The following LYAR variants were observed in gnomAD, a reference collection of about 807,000 sequenced individuals.
LYAR encodes the protein cell growth-regulating nucleolar protein.
A neutral mutation model predicts 45.2 loss-of-function variants in LYAR; 37 were observed. That is an observed-to-expected ratio of 0.82 (90% CI 0.63 to 1.08). The LOEUF (loss-of-function observed/expected upper bound fraction) is 1.08. LYAR is among the 50% of genes least tolerant of loss of function. The pLI is 0.00. For missense variants in LYAR, 493 were observed against 451.0 expected (o/e 1.09, Z -0.84); for synonymous variants, 176 against 155.1 (o/e 1.14, Z -1.00).
At position 4,274,604 on chromosome 4, in the gene LYAR, T is replaced by G. The variant is rs148334769; in HGVS notation, c.595A>C (p.Arg199=). ...RERKEERQKK[R]KREKKELKLE... ...TTTAGTTCTTTCTTTTCTCTTTTCC[T>G]TTTCTTCTGCCGTTCTTCCTTTCTT... The change falls in exon 7 of 10, where the codon AGG becomes CGG. Residue 199 remains arginine, a synonymous_variant. Transcript: ENST00000343470. 1.2e-5 allele frequency: 19 copies of G among 1,613,760 alleles called. No individual in the cohort carries two copies. Among genetic ancestry groups the G allele is most frequent in the Non-Finnish European group, 1.6e-5 (19 of 1,180,000 alleles).
Position 4,279,654 on chromosome 4 carries a change from C to G in LYAR, c.333G>C (p.Lys111Asn). 2 of 1,613,968 alleles carry G rather than the reference C, an allele frequency of 1.2e-6. No individual in the cohort carries two copies. Among genetic ancestry groups the G allele is most frequent in the Non-Finnish European group, 1.7e-6 (2 of 1,179,892 alleles). ...AGTCAATTCATACCTGAAATTTTGC[C>G]TTTTTCCTGGGAACGTTGTCAAAAG... Reference protein sequence around the residue: ...ISAFDNVPRKKAKFQNWMKNS... With the variant: ...ISAFDNVPRKNAKFQNWMKNS... The change falls in exon 5 of 10, where the codon AAG (lysine) becomes AAC (asparagine). Residue 111 changes from lysine (K) to asparagine (N), a missense_variant. Transcript: ENST00000343470.
chr4:4,283,367 T>C (rs1421822172), intron 3 of LYAR, among the ~76,000 whole-genome samples: 1 of 152,202 alleles, frequency 6.6e-6, no homozygotes, highest in African/African-American at 2.4e-5. Flanking sequence ...GCCAGGCTGG[T>C]CTTCAACTCC....
At position 4,267,989 on chromosome 4, in the gene LYAR, T is replaced by G; in HGVS notation, c.1040A>C (p.His347Pro). The G allele has an allele frequency of 1.2e-6, 2 of 1,612,492 alleles. No homozygotes were observed. The highest frequency in any genetic ancestry group is 2.2e-5 in the South Asian group (2 of 91,020). Reference protein sequence around the residue: ...LAQYYTVTDEHHRSEEELLVI... With the variant: ...LAQYYTVTDEPHRSEEELLVI... Reference sequence around the variant, plus strand: ...CAGGAGTTCCTCTTCGGATCTGTGATGCTCATCTGTCACTGTGTAGTACTG... The same window carrying G: ...CAGGAGTTCCTCTTCGGATCTGTGAGGCTCATCTGTCACTGTGTAGTACTG... Residue 347 changes from histidine (H) to proline (P), a missense_variant, in exon 10 of 10, where the codon CAT (histidine) becomes CCT (proline). His to Pro is a moderately conservative substitution (Grantham distance 77). Transcript: ENST00000343470.
chr4:4,288,348 C>G (rs1719696414), intron 1 of LYAR, among the ~76,000 whole-genome samples: 1 of 152,232 alleles, frequency 6.6e-6, no homozygotes, highest in Admixed American at 6.5e-5. Flanking sequence ...CTCCAACCTT[C>G]TCTGGCTCCT....
chr4:4,271,266 T>C (rs955740349), intron 8 of LYAR, among the ~76,000 whole-genome samples: 1 of 152,244 alleles, frequency 6.6e-6, no homozygotes, highest in Non-Finnish European at 1.5e-5. Context: ...AAACATGCTA[T>C]GCTTGTCTTC....
At chr4:4,269,805 A>G (rs930049421) in intron 8 of LYAR, among the ~76,000 whole-genome samples, 1 of 152,196 alleles carries the variant, frequency 6.6e-6, no homozygotes, top group African/African-American at 2.4e-5. Flanking sequence ...TAGACCTGAA[A>G]TTTGCTGTGA....
chr4:4,277,382 C>CT (rs1216982326), intron 6 of LYAR, among the ~76,000 whole-genome samples: 1 of 152,160 alleles, frequency 6.6e-6, no homozygotes, highest in Admixed American at 6.5e-5. Context: ...GCCTGAGACC[C>CT]TGGCATCCCT....
At position 4,268,532 on chromosome 4, in the gene LYAR, T is replaced by C. The variant is rs193125849; in HGVS notation, c.1003A>G (p.Lys335Glu). Residue 335 changes from lysine (K) to glutamate (E), a missense_variant and splice_region_variant, in exon 9 of 10, where the codon AAG becomes GAG. Physicochemically the swap from Lys to Glu is moderately conservative, Grantham distance 56. Coordinates refer to ENST00000343470, the MANE Select transcript of LYAR (RefSeq NM_017816.3). ...GTGGGTTTGTTCATATGCCATACCT[T>C]TTTCCTTAGCTTTTTGATGGTTATT... ...NEITIKKLRK[K>E]VLAQYYTVTD... 6.2e-7 allele frequency: 1 copy of C among 1,609,126 alleles called. No homozygotes were observed. Among genetic ancestry groups the C allele is most frequent in the East Asian group, 2.2e-5 (1 of 44,788 alleles).
intron 3 of LYAR, among the ~76,000 whole-genome samples, chr4:4,283,182 G>C (rs1719472007): frequency 6.6e-6 from 1 of 152,170 alleles, no homozygotes; most frequent in Non-Finnish European, 1.5e-5. Context: ...GGGTTAACTT[G>C]CTCTGTTGCC....
intron 6 of LYAR, among the ~76,000 whole-genome samples, chr4:4,275,438 T>TC: frequency 2.2e-5 from 1 of 45,992 alleles, no homozygotes; most frequent in East Asian, 1.1e-3. Flanking sequence ...TTCTCATCAT[T>TC]CTTTTTTTTT....
chr4:4,276,376 G>C (rs1041835850), intron 6 of LYAR, among the ~76,000 whole-genome samples: 4 of 152,138 alleles, frequency 2.6e-5, no homozygotes, highest in Admixed American at 2.0e-4. Context: ...CAAGGACTCA[G>C]GACTCAGACC....
At chr4:4,286,917 C>G (rs985718577) in intron 1 of LYAR, among the ~76,000 whole-genome samples, 9 of 152,128 alleles carry the variant, frequency 5.9e-5, no homozygotes, top group Middle Eastern at 6.8e-3. Context: ...TCCCAAAGTG[C>G]TGGGATTACA....
In LYAR at chr4:4,281,245, T is replaced by TC. The variant is rs1371548167; in HGVS notation, c.237+537dup. On this transcript the variant is annotated intron_variant, in intron 4 of 9. Coordinates refer to ENST00000343470, the MANE Select transcript of LYAR (RefSeq NM_017816.3). ...TAATGAGAATTCTAAAACTTTTTTT[T>TC]CAAGAAATTAACAAAACACATGGAT... Among the ~76,000 whole-genome samples, 151 of 152,208 alleles carry TC rather than the reference T, an allele frequency of 9.9e-4. 1 individual carries two copies. The highest frequency in any genetic ancestry group is 3.2e-3 in the African/African-American group (133 of 41,460).
Position 4,281,796 on chromosome 4 carries a change from T to C in LYAR, c.224A>G (p.Gln75Arg). The C allele has an allele frequency of 6.2e-7, 1 of 1,613,880 alleles. No individual in the cohort carries two copies. The highest frequency in any genetic ancestry group is 8.5e-7 in the Non-Finnish European group (1 of 1,179,724). ...GAGAGACGTTACCTGAATCCACGCCTGCTGTTTGATGTCGCCTTTGTGGGT... is the reference window on the plus strand; with the variant it reads ...GAGAGACGTTACCTGAATCCACGCCCGCTGTTTGATGTCGCCTTTGTGGGT... The part of the protein sequence containing the change: ...GKTHKGDIKQ[Q>R]AWIQKISELI... The change falls in exon 4 of 10, where the codon CAG becomes CGG. Residue 75 changes from glutamine (Q) to arginine (R), a missense_variant. By Grantham distance (43) the Gln-to-Arg change is conservative (BLOSUM62 1). Transcript: ENST00000343470.
chr4:4,274,596 TCTTTTC>T lies in LYAR; in HGVS notation c.597_602del (p.Lys200_Arg201del), dbSNP rs752208941. 9 of 1,613,740 alleles carry T rather than the reference TCTTTTC, an allele frequency of 5.6e-6. No homozygotes were observed. The highest frequency in any genetic ancestry group is 1.3e-5 in the African/African-American group (1 of 74,870). On this transcript the variant is annotated inframe_deletion, in exon 7 of 10. Transcript: ENST00000343470. The stretch of plus-strand genomic sequence containing the variant: ...TTTCTAACTTTAGTTCTTTCTTTTC[TCTTTTC>T]CTTTTCTTCTGCCGTTCTTCCTTTC...
chr4:4,270,268 TAAAA>T (rs11377872), intron 8 of LYAR, among the ~76,000 whole-genome samples: 1 of 121,978 alleles, frequency 8.2e-6, no homozygotes, highest in Non-Finnish European at 1.7e-5. Context: ...TGTTGATTTG[TAAAA>T]AAAAAAAAAA....
chr4:4,269,797 G>C (rs1215030748), intron 8 of LYAR, among the ~76,000 whole-genome samples: 1 of 152,166 alleles, frequency 6.6e-6, no homozygotes, highest in Non-Finnish European at 1.5e-5. Flanking sequence ...ATTTAACATA[G>C]ACCTGAAATT....
intron 6 of LYAR, among the ~76,000 whole-genome samples, chr4:4,275,745 G>C (rs572017129): frequency 1.3e-5 from 2 of 149,952 alleles, no homozygotes; most frequent in African/African-American, 4.9e-5. Flanking sequence ...ACCCAGGCTG[G>C]AGTGCAGTGG....
Position 4,273,583 on chromosome 4 carries a change from C to A in LYAR, c.919G>T (p.Gly307Cys). 1 of 1,611,152 alleles carries A rather than the reference C, an allele frequency of 6.2e-7. No homozygotes were observed. Among genetic ancestry groups the A allele is most frequent in the Non-Finnish European group, 8.5e-7 (1 of 1,177,632 alleles). ...EPEDDEAPAKGKFNWKGTIKA... is the reference protein window; with the variant it reads ...EPEDDEAPAKCKFNWKGTIKA... ...TCCTCAAATGACAGCAGTGATATAC[C>A]TTTTGCAGGAGCCTCATCGTCTTCT... Residue 307 changes from glycine (G) to cysteine (C), a missense_variant and splice_region_variant, in exon 8 of 10, where the codon GGT becomes TGT. Transcript: ENST00000343470.
Sources: allele counts gnomAD v4.1 joint callset (sites outside exome capture counted in the v4.1 genomes callset), GRCh38; gene constraint gnomAD v4.1.1; transcripts MANE v1.5; gene names NCBI Gene and HGNC (gene_info 2026-07-23, HGNC 2026-07-21).